The following NAA11 variants were observed in gnomAD, a reference collection of about 807,000 sequenced individuals.
NAA11 encodes the protein N-alpha-acetyltransferase 11.
A neutral mutation model predicts 16.1 loss-of-function variants in NAA11; 15 were observed. That is an observed-to-expected ratio of 0.93 (90% CI 0.62 to 1.44). NAA11 has a LOEUF of 1.44. Among genes scored for constraint, NAA11 ranks in the 40% most tolerant of loss-of-function variants. NAA11 has a pLI of 0.00. For missense variants in NAA11, 298 were observed against 291.3 expected (o/e 1.02, Z -0.17); for synonymous variants, 122 against 112.4 (o/e 1.09, Z -0.54).
the NAA11 span, among the ~76,000 whole-genome samples, chr4:79,193,072 G>GTTGT: frequency 6.6e-6 from 1 of 151,186 alleles, no homozygotes; most frequent in Admixed American, 6.6e-5. Flanking sequence ...TTTTGATGGG[G>GTTGT]TTGTTTTTTT....
intron 2 of NAA11, among the ~76,000 whole-genome samples, chr4:79,264,768 C>T (rs186321048): frequency 5.6e-4 from 85 of 152,302 alleles, no homozygotes; most frequent in Non-Finnish European, 9.3e-4. Flanking sequence ...TTACCTTTCT[C>T]TAAATGCATC....
chr4:79,226,913 G>T (rs1303399872), intron 2 of NAA11, among the ~76,000 whole-genome samples: 2 of 152,072 alleles, frequency 1.3e-5, no homozygotes, highest in Non-Finnish European at 2.9e-5. Context: ...CTTTATAGCA[G>T]CATGATTTAT....
intron 1 of NAA11, among the ~76,000 whole-genome samples, chr4:79,311,629 C>CAGGT (rs2110011009): frequency 6.6e-6 from 1 of 152,296 alleles, no homozygotes; most frequent in East Asian, 1.9e-4. Flanking sequence ...ATTTCCAAAG[C>CAGGT]AGGTACCTTA....
chr4:79,257,680 A>G (rs75881689), intron 2 of NAA11, among the ~76,000 whole-genome samples: 9,359 of 151,996 alleles, frequency 0.062, 395 homozygotes, highest in Middle Eastern at 0.12. Context: ...TAAAATTTCT[A>G]ATTTCTTCTT....
intron 2 of NAA11, among the ~76,000 whole-genome samples, chr4:79,257,407 A>T (rs1184114323): frequency 6.6e-6 from 1 of 152,168 alleles, no homozygotes; most frequent in Non-Finnish European, 1.5e-5. Flanking sequence ...TCAAAATTTT[A>T]AAAATACTTT....
intron 2 of NAA11, among the ~76,000 whole-genome samples, chr4:79,240,354 T>A (rs371157452): frequency 6.6e-6 from 1 of 152,190 alleles, no homozygotes; most frequent in African/African-American, 2.4e-5. Context: ...AGTTGAGAGA[T>A]AATACAGAAA....
At chr4:79,214,180 T>C in the NAA11 span, among the ~76,000 whole-genome samples, 114 of 152,278 alleles carry the variant, frequency 7.5e-4, no homozygotes, top group Non-Finnish European at 4.7e-4. Flanking sequence ...CCAATACACA[T>C]TGTGGTACAA....
chr4:79,171,573 A>G, the NAA11 span, among the ~76,000 whole-genome samples: 1 of 152,220 alleles, frequency 6.6e-6, no homozygotes, highest in Non-Finnish European at 1.5e-5. Context: ...ATTATATAGT[A>G]AAGACTCTGA....
In NAA11 at chr4:79,325,984, A is replaced by G. The variant is rs1024885474; in HGVS notation, c.-107T>C. ...CAGGAATCGAGTCCAGGGGGCTAAC[A>G]CCACCGGGCTGAATCGTGTGGAGGG... On this transcript the variant is annotated 5_prime_UTR_variant, in exon 1 of 2. Coordinates refer to ENST00000286794, the MANE Select transcript of NAA11 (RefSeq NM_032693.3). 3 of 925,238 alleles carry G rather than the reference A, an allele frequency of 3.2e-6. No homozygotes were observed. The highest frequency in any genetic ancestry group is 3.3e-6 in the Non-Finnish European group (2 of 612,964). 57.3% of individuals were successfully genotyped at this position (925,238 alleles called of 1,614,324 possible).
chr4:79,263,537 T>C (rs1196772047), intron 2 of NAA11, among the ~76,000 whole-genome samples: 1 of 152,156 alleles, frequency 6.6e-6, no homozygotes, highest in Non-Finnish European at 1.5e-5. Context: ...GCAGAATATA[T>C]TGGCAGAGGA....
At chr4:79,170,799 TA>T in the NAA11 span, among the ~76,000 whole-genome samples, 166 of 150,108 alleles carry the variant, frequency 1.1e-3, no homozygotes, top group African/African-American at 3.8e-3. Flanking sequence ...TAAGTTTTTT[TA>T]AAAAAAGTAA....
chr4:79,224,778 C>T (rs929403402), downstream of NAA11, among the ~76,000 whole-genome samples: 11 of 152,058 alleles, frequency 7.2e-5, no homozygotes, highest in African/African-American at 2.7e-4. Context: ...ACAAGGTCAA[C>T]GTCAACAGTG....
At chr4:79,289,201 A>G (rs917439715) in intron 2 of NAA11, among the ~76,000 whole-genome samples, 2 of 152,230 alleles carry the variant, frequency 1.3e-5, no homozygotes, top group Admixed American at 6.5e-5. Context: ...TATTCCCAAC[A>G]CAATGTGGAT....
chr4:79,176,275 A>G, the NAA11 span, among the ~76,000 whole-genome samples: 3 of 152,332 alleles, frequency 2.0e-5, no homozygotes, highest in African/African-American at 7.2e-5. Flanking sequence ...TAGATCTAAA[A>G]TAGAGGTTAA....
At chr4:79,247,712 C>G (rs541399967) in intron 2 of NAA11, among the ~76,000 whole-genome samples, 19 of 152,160 alleles carry the variant, frequency 1.2e-4, no homozygotes, top group African/African-American at 3.6e-4. Flanking sequence ...AGCTGGGAAC[C>G]CTGCCCAGGA....
chr4:79,279,223 C>G (rs1167424677), intron 2 of NAA11, among the ~76,000 whole-genome samples: 1 of 152,050 alleles, frequency 6.6e-6, no homozygotes, highest in South Asian at 2.1e-4. Flanking sequence ...TTTCTATGTG[C>G]CAGGCAATAT....
At chr4:79,275,436 T>C (rs995443206) in intron 2 of NAA11, among the ~76,000 whole-genome samples, 2 of 152,090 alleles carry the variant, frequency 1.3e-5, no homozygotes, top group African/African-American at 4.8e-5. Context: ...TTTTTCGCCC[T>C]ACTAGTTTAA....
At chr4:79,179,606 G>A in the NAA11 span, among the ~76,000 whole-genome samples, 55 of 152,126 alleles carry the variant, frequency 3.6e-4, no homozygotes, top group Admixed American at 2.2e-3. Flanking sequence ...TTTGGGGAAG[G>A]CAGGAGAAGG....
At chr4:79,166,673 G>T in the NAA11 span, among the ~76,000 whole-genome samples, 51 of 145,372 alleles carry the variant, frequency 3.5e-4, 1 homozygote, top group Non-Finnish European at 6.0e-4. Context: ...TTCAAGACCA[G>T]CCTGCCTAAC....
Sources: allele counts gnomAD v4.1 joint callset (sites outside exome capture counted in the v4.1 genomes callset), GRCh38; gene constraint gnomAD v4.1.1; transcripts MANE v1.5; gene names NCBI Gene and HGNC (gene_info 2026-07-23, HGNC 2026-07-21).